Variants in AUTS2 observed in about 807,000 individuals in gnomAD.
The protein encoded by AUTS2 is autism susceptibility gene 2 protein.
In AUTS2, 17 loss-of-function variants were observed where a neutral mutation model predicts 112.4. The observed-to-expected ratio is 0.15, with a 90% CI of 0.10 to 0.23. The LOEUF (loss-of-function observed/expected upper bound fraction) is 0.23, where lower values mean the gene tolerates loss of function less well. Among genes scored for constraint, AUTS2 ranks in the 10% least tolerant of loss-of-function variants. The pLI is 1.00. For synonymous variants in AUTS2, 751 were observed against 702.7 expected, an observed-to-expected ratio of 1.07 and a Z score of -1.09; for missense variants, 1,510 against 1,701.6, an observed-to-expected ratio of 0.89 and a Z score of 1.98.
rs546345004 is a variant in AUTS2 at position 69,624,887 on chromosome 7, A to G, written c.309+24925A>G. Among the ~76,000 whole-genome samples, 4 of 152,150 alleles carry G rather than the reference A, an allele frequency of 2.6e-5. No homozygotes were observed. In the East Asian group the frequency reaches 5.8e-4, roughly 22 times the overall value. On this transcript the variant is annotated intron_variant, in intron 1 of 18. Transcript: ENST00000342771. Reference sequence around the variant, plus strand: ...TATGGCACTCTGCAGTTATCTGTCCATTAATAGTGGAGAAACTACTGCCAG... The same window carrying G: ...TATGGCACTCTGCAGTTATCTGTCCGTTAATAGTGGAGAAACTACTGCCAG...
chr7:70,068,921 C>T (rs1389615374), intron 2 of AUTS2, among the ~76,000 whole-genome samples: 1 of 152,138 alleles, frequency 6.6e-6, no homozygotes, highest in Non-Finnish European at 1.5e-5. Context: ...AGTGATAATC[C>T]AGAAGGATTG....
At chr7:70,170,100 ACT>A (rs1437740347) in intron 4 of AUTS2, among the ~76,000 whole-genome samples, 1 of 151,486 alleles carries the variant, frequency 6.6e-6, no homozygotes, top group Non-Finnish European at 1.5e-5. Flanking sequence ...AAAAAAAAAA[ACT>A]CACAAAATCT....
intron 2 of AUTS2, among the ~76,000 whole-genome samples, chr7:69,985,081 T>TA (rs1366835872): frequency 1.3e-5 from 2 of 151,722 alleles, no homozygotes; most frequent in Non-Finnish European, 2.9e-5. Flanking sequence ...TTTTGGGCAG[T>TA]AAAGAAGATG....
chr7:70,279,667 A>C (rs906432005), intron 4 of AUTS2, among the ~76,000 whole-genome samples: 4 of 152,218 alleles, frequency 2.6e-5, no homozygotes, highest in Non-Finnish European at 4.4e-5. Flanking sequence ...AAAATTACGG[A>C]ACTACTACAT....
intron 1 of AUTS2, among the ~76,000 whole-genome samples, chr7:69,857,633 G>C (rs1053272430): frequency 6.6e-6 from 1 of 152,170 alleles, no homozygotes; most frequent in African/African-American, 2.4e-5. Context: ...TTACATAGCA[G>C]CCTCTAAGTG....
At chr7:70,492,521 C>G (rs982529780) in intron 5 of AUTS2, among the ~76,000 whole-genome samples, 1 of 152,168 alleles carries the variant, frequency 6.6e-6, no homozygotes, top group Non-Finnish European at 1.5e-5. Context: ...TTACTGTATC[C>G]TTACCACAAG....
At chr7:69,834,652 G>T (rs1454450208) in intron 1 of AUTS2, among the ~76,000 whole-genome samples, 1 of 152,100 alleles carries the variant, frequency 6.6e-6, no homozygotes, top group Non-Finnish European at 1.5e-5. Flanking sequence ...GTAGCAACTA[G>T]AATGCAAGGT....
intron 6 of AUTS2, among the ~76,000 whole-genome samples, chr7:70,743,767 T>G (rs1463091046): frequency 6.6e-6 from 1 of 152,196 alleles, no homozygotes; most frequent in African/African-American, 2.4e-5. Flanking sequence ...ATCTGCTTCC[T>G]CCCAGCACTG....
At chr7:69,816,012 A>G (rs1296552017) in intron 1 of AUTS2, among the ~76,000 whole-genome samples, 1 of 152,212 alleles carries the variant, frequency 6.6e-6, no homozygotes, top group East Asian at 1.9e-4. Context: ...TAGCCAAGAA[A>G]GGTCATGTCA....
At chr7:70,088,542 T>C (rs1412324888) in intron 2 of AUTS2, among the ~76,000 whole-genome samples, 1 of 142,218 alleles carries the variant, frequency 7.0e-6, no homozygotes, top group Non-Finnish European at 1.5e-5. Flanking sequence ...TTTTTTTTTT[T>C]AGTTTCTTAT....
intron 5 of AUTS2, among the ~76,000 whole-genome samples, chr7:70,663,963 A>G (rs908486537): frequency 6.6e-6 from 1 of 152,204 alleles, no homozygotes; most frequent in Non-Finnish European, 1.5e-5. Context: ...GCAGCCTAAA[A>G]TTGAACTCAA....
At chr7:69,941,500 A>T (rs1178628219) in intron 2 of AUTS2, among the ~76,000 whole-genome samples, 1 of 152,148 alleles carries the variant, frequency 6.6e-6, no homozygotes, top group Middle Eastern at 3.2e-3. Flanking sequence ...GGGTGAGATA[A>T]ATTCCAAGAA....
intron 2 of AUTS2, among the ~76,000 whole-genome samples, chr7:69,901,921 C>T (rs1353926336): frequency 6.6e-6 from 1 of 152,156 alleles, no homozygotes; most frequent in Non-Finnish European, 1.5e-5. Flanking sequence ...TTAGGCTCCT[C>T]CCTCTGGGTC....
chr7:70,233,479 G>A (rs923169650), intron 4 of AUTS2, among the ~76,000 whole-genome samples: 1 of 152,118 alleles, frequency 6.6e-6, no homozygotes, highest in Admixed American at 6.5e-5. Flanking sequence ...CAAGGAGAAT[G>A]GGAGGGAAAG....
intron 1 of AUTS2, among the ~76,000 whole-genome samples, chr7:69,723,243 T>C (rs866573344): frequency 1.3e-5 from 2 of 152,146 alleles, no homozygotes; most frequent in Admixed American, 6.5e-5. Context: ...GAGTGTTATA[T>C]AGGCCATGTG....
intron 1 of AUTS2, among the ~76,000 whole-genome samples, chr7:69,623,992 ATT>A (rs1301243065): frequency 6.6e-6 from 1 of 152,164 alleles, no homozygotes; most frequent in Non-Finnish European, 1.5e-5. Context: ...TGAAAAAAGC[ATT>A]GTCTTTTGGT....
At chr7:69,833,078 T>C (rs1791569899) in intron 1 of AUTS2, among the ~76,000 whole-genome samples, 1 of 152,184 alleles carries the variant, frequency 6.6e-6, no homozygotes, top group East Asian at 1.9e-4. Flanking sequence ...AAACTGCAGC[T>C]TTAAACAGAA....
intron 4 of AUTS2, among the ~76,000 whole-genome samples, chr7:70,266,476 C>G (rs1787430824): frequency 6.6e-6 from 1 of 152,058 alleles, no homozygotes; most frequent in Non-Finnish European, 1.5e-5. Flanking sequence ...ACTGAAAACC[C>G]TGTGAAATGT....
intron 4 of AUTS2, among the ~76,000 whole-genome samples, chr7:70,252,098 T>C (rs879490261): frequency 2.0e-5 from 3 of 152,234 alleles, no homozygotes; most frequent in Admixed American, 2.0e-4. Context: ...AACATGAGAA[T>C]ATAGCTACCT....
Sources: allele counts gnomAD v4.1 joint callset (sites outside exome capture counted in the v4.1 genomes callset), GRCh38; gene constraint gnomAD v4.1.1; transcripts MANE v1.5; gene names NCBI Gene and HGNC (gene_info 2026-07-23, HGNC 2026-07-21).